The following FOXN3 variants were observed in gnomAD, a reference collection of about 807,000 sequenced individuals.
The protein encoded by FOXN3 is forkhead box protein N3.
Under a neutral mutation model 38.4 loss-of-function variants are expected in FOXN3, and 7 were observed. That is an observed-to-expected ratio of 0.18 (90% CI 0.10 to 0.34). The LOEUF (loss-of-function observed/expected upper bound fraction) is 0.34. FOXN3 is among the 10% of genes least tolerant of loss of function. The probability of loss-of-function intolerance (pLI) is 1.00; values close to 1 mark genes in which losing one functional copy is unlikely to be tolerated. For synonymous variants in FOXN3, 230 were observed against 242.2 expected (o/e 0.95, Z 0.47); for missense variants, 456 against 613.4 (o/e 0.74, Z 2.71).
chr14:89,292,837 C>T (rs1334419194), intron 3 of FOXN3, among the ~76,000 whole-genome samples: 1 of 152,220 alleles, frequency 6.6e-6, no homozygotes, highest in Non-Finnish European at 1.5e-5. Flanking sequence ...CCTCTCTCCC[C>T]TCTCCACCGC....
chr14:89,184,545 T>C (rs1887755263), intron 4 of FOXN3, among the ~76,000 whole-genome samples: 1 of 152,252 alleles, frequency 6.6e-6, no homozygotes, highest in Non-Finnish European at 1.5e-5. Context: ...ATGTTCCTTG[T>C]CTCACGGAAC....
chr14:89,264,461 C>G (rs977705476), intron 4 of FOXN3, among the ~76,000 whole-genome samples: 1 of 152,150 alleles, frequency 6.6e-6, no homozygotes, highest in Non-Finnish European at 1.5e-5. Flanking sequence ...CCCATGGGGT[C>G]CCTTCCCATA....
At chr14:89,290,260 T>A in intron 3 of FOXN3, 1 of 322,686 alleles carries the variant, frequency 3.1e-6, no homozygotes, top group Non-Finnish European at 6.2e-6. Context: ...CAGGAAATTC[T>A]CTGTCATTAC....
rs1184693432 is a variant in FOXN3 at position 89,159,891 on chromosome 14, A to C, written c.*2523T>G. 2 of 152,246 alleles carry C rather than the reference A, an allele frequency of 1.3e-5. No individual in the cohort carries two copies. Among genetic ancestry groups the C allele is most frequent in the Non-Finnish European group, 2.9e-5 (2 of 68,050 alleles). The allele number at this position is 152,246 out of a possible 1,614,324, so 9.4% of individuals were successfully genotyped here. ...CTGAATAAATATGCTGGAAGTATTCAGCTTCAGGTCATGAATTCGACCTGC... is the reference window on the plus strand; with the variant it reads ...CTGAATAAATATGCTGGAAGTATTCCGCTTCAGGTCATGAATTCGACCTGC... On this transcript the variant is annotated 3_prime_UTR_variant, in exon 6 of 6. Transcript: ENST00000557258.
intron 1 of FOXN3, among the ~76,000 whole-genome samples, chr14:89,451,249 T>C (rs898711919): frequency 6.6e-6 from 1 of 152,176 alleles, no homozygotes; most frequent in African/African-American, 2.4e-5. Flanking sequence ...CAAGGAGGTA[T>C]GGTAGCCGGG....
intron 1 of FOXN3, among the ~76,000 whole-genome samples, chr14:89,474,725 G>A (rs575877807): frequency 6.6e-6 from 1 of 152,270 alleles, no homozygotes; most frequent in South Asian, 2.1e-4. Context: ...GGGTAGAAGA[G>A]CCAAGAAAGA....
At chr14:89,306,382 C>T (rs1291025190) in intron 3 of FOXN3, among the ~76,000 whole-genome samples, 9 of 150,704 alleles carry the variant, frequency 6.0e-5, no homozygotes, top group South Asian at 2.1e-4. Flanking sequence ...TTTTTTGAGA[C>T]GGAGAGACGG....
intron 3 of FOXN3, among the ~76,000 whole-genome samples, chr14:89,300,857 C>T (rs1390328297): frequency 6.6e-6 from 1 of 152,230 alleles, no homozygotes; most frequent in South Asian, 2.1e-4. Context: ...AGTGCAGTGG[C>T]ACAATCTCGG....
chr14:89,264,960 G>A (rs1885924459), intron 4 of FOXN3, among the ~76,000 whole-genome samples: 1 of 152,170 alleles, frequency 6.6e-6, no homozygotes, highest in Non-Finnish European at 1.5e-5. Flanking sequence ...TGCTAAGAAT[G>A]TACACATCTT....
chr14:89,334,569 C>T (rs1460222143), intron 3 of FOXN3, among the ~76,000 whole-genome samples: 1 of 134,696 alleles, frequency 7.4e-6, no homozygotes, highest in African/African-American at 2.5e-5. Flanking sequence ...AAGATCATGC[C>T]ACTGCACTCC....
intron 1 of FOXN3, chr14:89,577,108 T>C (rs1009509265): frequency 1.3e-5 from 2 of 152,050 alleles, no homozygotes; most frequent in Non-Finnish European, 2.9e-5. Flanking sequence ...CCAAGGAAAA[T>C]GGCACGGAAG....
At chr14:89,447,567 T>C (rs1892528876) in intron 1 of FOXN3, among the ~76,000 whole-genome samples, 1 of 152,082 alleles carries the variant, frequency 6.6e-6, no homozygotes, top group Non-Finnish European at 1.5e-5. Flanking sequence ...GTGTGGCACC[T>C]AATATTGCCA....
At chr14:89,480,572 T>C (rs1893306051) in intron 1 of FOXN3, among the ~76,000 whole-genome samples, 1 of 152,048 alleles carries the variant, frequency 6.6e-6, no homozygotes. Flanking sequence ...TTCTCCATTG[T>C]ATTCATTCAG....
In FOXN3 at chr14:89,363,565, CA is replaced by C. The variant is rs1414215235; in HGVS notation, c.544-12758del. ...CACAATCTCTTCATCTGTATATTGG[CA>C]AAAATACCATCTTCTCCAAAAGTCA... On this transcript the variant is annotated intron_variant, in intron 2 of 5. Transcript: ENST00000557258. 4.6e-5 allele frequency among the ~76,000 whole-genome samples: 7 copies of C among 152,176 alleles called. No individual in the cohort carries two copies. In the East Asian group the frequency reaches 1.2e-3, roughly 25 times the overall value.
At chr14:89,336,028 ACT>A (rs1235867307) in intron 3 of FOXN3, among the ~76,000 whole-genome samples, 2 of 151,746 alleles carry the variant, frequency 1.3e-5, no homozygotes, top group Non-Finnish European at 1.5e-5. Context: ...GTGAGGTTTG[ACT>A]CTCTTTTTTT....
At chr14:89,385,521 A>AAG (rs1491142176) in intron 2 of FOXN3, among the ~76,000 whole-genome samples, 1 of 145,504 alleles carries the variant, frequency 6.9e-6, no homozygotes, top group African/African-American at 2.6e-5. Context: ...AAAAAAAAAA[A>AAG]GGAGGGCTGG....
intron 2 of FOXN3, among the ~76,000 whole-genome samples, chr14:89,382,042 A>G (rs992479366): frequency 6.6e-6 from 1 of 152,030 alleles, no homozygotes; most frequent in African/African-American, 2.4e-5. Flanking sequence ...TGGCCAGACC[A>G]CAACCCATTC....
intron 4 of FOXN3, among the ~76,000 whole-genome samples, chr14:89,262,266 C>G (rs1885832341): frequency 1.3e-5 from 2 of 152,206 alleles, no homozygotes. Flanking sequence ...CTTGTCTATT[C>G]ATTGAGGATG....
intron 1 of FOXN3, among the ~76,000 whole-genome samples, chr14:89,540,712 TG>T (rs1894776572): frequency 7.0e-6 from 1 of 142,730 alleles, no homozygotes; most frequent in Non-Finnish European, 1.5e-5. Flanking sequence ...CACTCCAGCC[TG>T]GGTAACACAG....
Sources: allele counts gnomAD v4.1 joint callset (sites outside exome capture counted in the v4.1 genomes callset), GRCh38; gene constraint gnomAD v4.1.1; transcripts MANE v1.5; gene names NCBI Gene and HGNC (gene_info 2026-07-23, HGNC 2026-07-21).